TMEM123: variants seen among roughly 807,000 people sequenced by gnomAD.
TMEM123 encodes the protein porimin.
A neutral mutation model predicts 19.7 loss-of-function variants in TMEM123; 16 were observed. The observed-to-expected ratio is 0.81, with a 90% CI of 0.55 to 1.23. TMEM123 has a LOEUF of 1.23. TMEM123 is among the 50% of genes most tolerant of loss of function. The pLI is 0.00. For synonymous variants in TMEM123, 118 were observed against 99.4 expected, an observed-to-expected ratio of 1.19 and a Z score of -1.12; for missense variants, 313 against 257.8, an observed-to-expected ratio of 1.21 and a Z score of -1.47.
chr11:102,428,841 C>T (rs1366155040), intron 2 of TMEM123, among the ~76,000 whole-genome samples: 2 of 152,158 alleles, frequency 1.3e-5, no homozygotes, highest in Admixed American at 6.5e-5. Flanking sequence ...AGAAAGGAGA[C>T]TAGTAACTAC....
chr11:102,437,152 CCTCA>C (rs141270346), intron 2 of TMEM123, among the ~76,000 whole-genome samples: 4,908 of 152,130 alleles, frequency 0.032, 262 homozygotes, highest in East Asian at 0.21. Context: ...GTGTACTTTC[CCTCA>C]CTGTTTATCT....
intron 2 of TMEM123, among the ~76,000 whole-genome samples, chr11:102,436,927 AAAC>A (rs1857768827): frequency 6.6e-6 from 1 of 152,252 alleles, no homozygotes; most frequent in South Asian, 2.1e-4. Context: ...CATTATGGAA[AAAC>A]AACAGGAACC....
intron 2 of TMEM123, among the ~76,000 whole-genome samples, chr11:102,410,363 C>A (rs1951994436): frequency 6.6e-6 from 1 of 152,078 alleles, no homozygotes; most frequent in Non-Finnish European, 1.5e-5. Context: ...AGAAAAGCAG[C>A]CTGGCTTCCT....
At chr11:102,423,954 A>G (rs1952105693) in intron 2 of TMEM123, among the ~76,000 whole-genome samples, 1 of 152,244 alleles carries the variant, frequency 6.6e-6, no homozygotes, top group African/African-American at 2.4e-5. Flanking sequence ...AAAGTTTTAA[A>G]CAAATTCAGA....
At chr11:102,426,839 C>T (rs1952129943) in intron 2 of TMEM123, among the ~76,000 whole-genome samples, 1 of 90,010 alleles carries the variant, frequency 1.1e-5, no homozygotes. Context: ...AAACTCATGG[C>T]TTAATGTTTT....
intron 2 of TMEM123, among the ~76,000 whole-genome samples, chr11:102,434,677 T>TGA (rs1857745005): frequency 6.6e-6 from 1 of 151,952 alleles, no homozygotes; most frequent in Non-Finnish European, 1.5e-5. Context: ...TTGTGTAGTT[T>TGA]TTCCTATTTT....
rs1488350507 is a variant in TMEM123, at chr11:102,397,047, G to T, written c.*1820C>A. On this transcript the variant is annotated 3_prime_UTR_variant, in exon 5 of 5. Transcript: ENST00000398136. ...AGCAATGGTTGCACAACCAGTCAGGGCCAAGTTAGTAACATACAACTCAGC... is the reference window on the plus strand; with the variant it reads ...AGCAATGGTTGCACAACCAGTCAGGTCCAAGTTAGTAACATACAACTCAGC... 6.6e-6 allele frequency: 1 copy of T among 152,056 alleles called. No individual in the cohort carries two copies. The highest frequency in any genetic ancestry group is 1.5e-5 in the Non-Finnish European group (1 of 67,990). The allele number at this position is 152,056 out of a possible 1,614,324, so 9.4% of individuals were successfully genotyped here.
chr11:102,452,529 A>T lies in TMEM123; in HGVS notation c.95T>A (p.Met32Lys). ...LLGAAHESAA[M>K]AASANIENSG... ...CGACCCCCGCAGCCACTTACCCGCC[A>T]TGGCTGCGCTTTCATGGGCGGCCCC... The change falls in exon 1 of 5, where the codon ATG (methionine) becomes AAG (lysine). Residue 32 changes from methionine to lysine, a missense_variant. Transcript: ENST00000398136. 1 of 1,547,230 alleles carries T rather than the reference A, an allele frequency of 6.5e-7. No individual in the cohort carries two copies. The highest frequency in any genetic ancestry group is 1.2e-5 in the South Asian group (1 of 84,808).
chr11:102,447,874 A>C (rs184521010), intron 2 of TMEM123, among the ~76,000 whole-genome samples: 2 of 152,368 alleles, frequency 1.3e-5, no homozygotes, highest in Non-Finnish European at 1.5e-5. Context: ...TAAGTGAAAC[A>C]CTGGGATGCC....
chr11:102,404,165 A>G (rs1246214368), intron 2 of TMEM123, among the ~76,000 whole-genome samples: 1 of 152,084 alleles, frequency 6.6e-6, no homozygotes, highest in African/African-American at 2.4e-5. Context: ...AGCAGTACCA[A>G]TGCCTTAGGT....
Position 102,425,514 on chromosome 11 carries a change from A to G in TMEM123, c.157+23298T>C, listed in dbSNP as rs569181767. On this transcript the variant is annotated intron_variant, in intron 2 of 4. Coordinates refer to ENST00000398136, the MANE Select transcript of TMEM123 (RefSeq NM_052932.3). ...CTGTTTTTCGTTTGTCCATCTATCA[A>G]TGCCACATCCACTCAGACCTAGGTC... is the stretch of plus-strand genomic sequence containing the variant. Among the ~76,000 whole-genome samples, 116 of 149,958 alleles carry G rather than the reference A, an allele frequency of 7.7e-4. 1 individual carries two copies. The highest frequency in any genetic ancestry group is 2.4e-3 in the African/African-American group (96 of 40,832).
At chr11:102,406,823 A>G (rs1951959742) in intron 2 of TMEM123, among the ~76,000 whole-genome samples, 1 of 149,988 alleles carries the variant, frequency 6.7e-6, no homozygotes, top group South Asian at 2.1e-4. Context: ...GTGAGCTGAG[A>G]TTGCGCCACT....
At position 102,398,469 on chromosome 11, in the gene TMEM123, A is replaced by G; in HGVS notation, c.*398T>C. Reference sequence around the variant, plus strand: ...AGCACTGAAGTTCTTTATGTGAGCTACAAAAGATACCCAAAATCCTGAGTG... The same window carrying G: ...AGCACTGAAGTTCTTTATGTGAGCTGCAAAAGATACCCAAAATCCTGAGTG... On this transcript the variant is annotated 3_prime_UTR_variant, in exon 5 of 5. Coordinates refer to ENST00000398136, the MANE Select transcript of TMEM123 (RefSeq NM_052932.3). 2.5e-6 allele frequency: 1 copy of G among 407,436 alleles called. No individual in the cohort carries two copies. The highest frequency in any genetic ancestry group is 4.3e-6 in the Non-Finnish European group (1 of 232,550). 25.2% of individuals were successfully genotyped at this position (407,436 alleles called of 1,614,324 possible).
At chr11:102,428,410 T>C (rs1565352712) in intron 2 of TMEM123, among the ~76,000 whole-genome samples, 1 of 151,660 alleles carries the variant, frequency 6.6e-6, no homozygotes, top group Non-Finnish European at 1.5e-5. Flanking sequence ...TAAGCAATTC[T>C]CCTGCCTCAG....
At chr11:102,407,338 C>A (rs1007077530) in intron 2 of TMEM123, among the ~76,000 whole-genome samples, 1 of 152,164 alleles carries the variant, frequency 6.6e-6, no homozygotes, top group African/African-American at 2.4e-5. Flanking sequence ...CTAAATAGAA[C>A]TTATTCAGTG....
chr11:102,440,784 G>C (rs1168375495), intron 2 of TMEM123, among the ~76,000 whole-genome samples: 1 of 152,164 alleles, frequency 6.6e-6, no homozygotes, highest in Non-Finnish European at 1.5e-5. Flanking sequence ...TCATCACTCT[G>C]CTGTATTCAG....
At chr11:102,452,409 A>G (rs1476577071) in intron 1 of TMEM123, 115 bp downstream of exon 1, 1 of 911,892 alleles carries the variant, frequency 1.1e-6, no homozygotes. Context: ...GTCCGCCCCG[A>G]GCGTTCGGCC....
Position 102,440,100 on chromosome 11 carries a change from G to A in TMEM123, c.157+8712C>T, listed in dbSNP as rs145847829. Among the ~76,000 whole-genome samples the A allele has an allele frequency of 9.9e-3, 1,503 of 152,260 alleles. 17 individuals are homozygous for A. The highest frequency in any genetic ancestry group is 0.051 in the Middle Eastern group (15 of 294). Reference sequence around the variant, plus strand: ...GGTGTAACTGAAAGTGACGGGGAGCGTGGAACCAAGTTGGAAAACACTCTT... The same window carrying A: ...GGTGTAACTGAAAGTGACGGGGAGCATGGAACCAAGTTGGAAAACACTCTT... On this transcript the variant is annotated intron_variant, in intron 2 of 4. Transcript: ENST00000398136.
At chr11:102,411,283 T>C (rs1284354604) in intron 2 of TMEM123, among the ~76,000 whole-genome samples, 1 of 152,114 alleles carries the variant, frequency 6.6e-6, no homozygotes, top group Admixed American at 6.5e-5. Flanking sequence ...GGTGAACACA[T>C]GGAGGTGCTG....
Sources: allele counts gnomAD v4.1 joint callset (sites outside exome capture counted in the v4.1 genomes callset), GRCh38; gene constraint gnomAD v4.1.1; transcripts MANE v1.5; gene names NCBI Gene and HGNC (gene_info 2026-07-23, HGNC 2026-07-21).